The following TMEM214 variants were observed in gnomAD, a reference collection of about 807,000 sequenced individuals.
TMEM214 encodes the protein transmembrane protein 214.
In TMEM214, 71 loss-of-function variants were observed where a neutral mutation model predicts 89.8. The ratio of observed to expected loss-of-function variants is 0.79; its 90% CI spans 0.65 to 0.96. The LOEUF is 0.96. Ranked by LOEUF, TMEM214 falls within the 40% of genes least tolerant of loss-of-function variation. The pLI is 0.00. For missense variants in TMEM214, 754 were observed against 843.4 expected (o/e 0.89, Z 1.31); for synonymous variants, 332 against 349.5 (o/e 0.95, Z 0.56).
rs905150971 is a variant in TMEM214, at chr2:27,035,594, A to G, written c.503A>G (p.Asp168Gly). ...TCACATTGAGGCCTATGGGCCTTAG[A>G]TTATCCCTACAGCCTGGTGAGCCGG... The part of the protein sequence containing the change: ...SEPTLSQHTH[D>G]YPYSLVSREL... Residue 168 changes from aspartate to glycine, a missense_variant and splice_region_variant, in exon 4 of 17, where the codon GAT becomes GGT. Coordinates refer to ENST00000238788, the MANE Select transcript of TMEM214 (RefSeq NM_017727.5). 6.2e-7 allele frequency: 1 copy of G among 1,614,112 alleles called. No individual in the cohort carries two copies. Among genetic ancestry groups the G allele is most frequent in the Non-Finnish European group, 8.5e-7 (1 of 1,180,018 alleles).
chr2:27,035,231 A>G lies in TMEM214; in HGVS notation c.448A>G (p.Asn150Asp). 4 of 1,613,760 alleles carry G rather than the reference A, an allele frequency of 2.5e-6. 1 individual carries two copies. The highest frequency in any genetic ancestry group is 2.5e-6 in the Non-Finnish European group (3 of 1,179,656). ...IWLKDLASYL[N>D]YKLQAPLSEP... is the part of the protein sequence containing the mutation. ...GTTGAAGGACCTGGCCAGCTATCTC[A>G]ACTACAAGCTACAAGCTCCTCTAAG... is the stretch of plus-strand genomic sequence containing the variant. The change falls in exon 3 of 17, where the codon AAC becomes GAC. Residue 150 changes from asparagine to aspartate, a missense_variant. By Grantham distance (23) the Asn-to-Asp change is conservative (BLOSUM62 1). Transcript: ENST00000238788.
chr2:27,037,936 T>C, intron 9 of TMEM214: 1 of 1,549,644 alleles, frequency 6.5e-7, no homozygotes, highest in Non-Finnish European at 8.7e-7. Flanking sequence ...ATAGTGATCT[T>C]TGAGCTCAAA....
chr2:27,033,868 T>C (rs1667437709), intron 1 of TMEM214, among the ~76,000 whole-genome samples, 199 bp from the exon 2 acceptor site: 2 of 152,002 alleles, frequency 1.3e-5, no homozygotes, highest in South Asian at 4.1e-4. Context: ...AAAGAGCCCA[T>C]AGACTCAAGA....
At chr2:27,036,946 G>A in intron 7 of TMEM214, 131 bp from the exon 8 acceptor site, 1 of 1,092,574 alleles carries the variant, frequency 9.2e-7, no homozygotes, top group Non-Finnish European at 1.4e-6. Context: ...GAAGAAGAGG[G>A]AGCTATTAAG....
Position 27,038,386 on chromosome 2 carries a change from A to C in TMEM214, c.1245-98A>C. 3 of 1,555,704 alleles carry C rather than the reference A, an allele frequency of 1.9e-6. No homozygotes were observed. In the South Asian group the frequency reaches 3.3e-5, roughly 17 times the overall value. ...CTGCTGCTCTGTGGGTGGTAGGTGGAGGGTCTTTCAGCCTGAAGGAGCCAG... is the reference window on the plus strand; with the variant it reads ...CTGCTGCTCTGTGGGTGGTAGGTGGCGGGTCTTTCAGCCTGAAGGAGCCAG... On this transcript the variant is annotated intron_variant, in intron 10 of 16. Coordinates refer to ENST00000238788, the MANE Select transcript of TMEM214 (RefSeq NM_017727.5). This position sits in a 1 kb window ranked among gnomAD's most constrained non-coding sequence, Gnocchi z 4.4.
intron 3 of TMEM214, 61 bp from the exon 4 acceptor site, chr2:27,035,533 C>T: frequency 6.3e-7 from 1 of 1,599,936 alleles, no homozygotes; most frequent in South Asian, 1.1e-5. Context: ...GAGAGCACCA[C>T]AGTTCTCAGA....
Position 27,037,158 on chromosome 2 carries a change from G to C in TMEM214, c.990G>C (p.Pro330=). 6.2e-7 allele frequency: 1 copy of C among 1,613,812 alleles called. No individual in the cohort carries two copies. The highest frequency in any genetic ancestry group is 8.5e-7 in the Non-Finnish European group (1 of 1,179,906). Residue 330 remains proline, a synonymous_variant, in exon 8 of 17, where the codon CCG becomes CCC. Coordinates refer to ENST00000238788, the MANE Select transcript of TMEM214 (RefSeq NM_017727.5). ...FFPLLDFAYM[P]NNSLTPSLQE... ...CACTTCTGGACTTTGCCTATATGCC[G>C]AACAACTCCCTGACACCCAGGTAGG... is the stretch of plus-strand genomic sequence containing the variant.
chr2:27,039,470 G>A, intron 13 of TMEM214: 4 of 593,996 alleles, frequency 6.7e-6, no homozygotes, highest in East Asian at 2.8e-5. Flanking sequence ...GTCATAGCTA[G>A]TAAGTAGAAG....
chr2:27,037,231 A>G, intron 8 of TMEM214, 53 bp downstream of exon 8: 1 of 1,374,090 alleles, frequency 7.3e-7, no homozygotes, highest in Non-Finnish European at 1.0e-6. Flanking sequence ...CACCAGAACC[A>G]CACTACATAT....
At position 27,035,667 on chromosome 2, in the gene TMEM214, T is replaced by C. The variant is rs770639383; in HGVS notation, c.576T>C (p.Ser192=). Residue 192 remains serine (S), a synonymous_variant, in exon 4 of 17, where the codon TCT becomes TCC. Transcript: ENST00000238788. The stretch of plus-strand genomic sequence containing the variant: ...GGCTGCTGGCGAAGGCAGCAGGGTC[T>C]CTGGAGCTCTTTTTTGACCACTGTC... ...IRGLLAKAAG[S]LELFFDHCLF... 1.9e-6 allele frequency: 3 copies of C among 1,614,086 alleles called. No homozygotes were observed. Among genetic ancestry groups the C allele is most frequent in the East Asian group, 2.2e-5 (1 of 44,888 alleles).
At position 27,034,283 on chromosome 2, in the gene TMEM214, AT is replaced by A. The variant is rs1558394795; in HGVS notation, c.351+18del. 33 of 1,611,790 alleles carry A rather than the reference AT, an allele frequency of 2.0e-5. No individual in the cohort carries two copies. Among genetic ancestry groups the A allele is most frequent in the Non-Finnish European group, 2.8e-5 (33 of 1,179,454 alleles). On this transcript the variant is annotated intron_variant, in intron 2 of 16. Transcript: ENST00000238788. The stretch of plus-strand genomic sequence containing the variant: ...CTGAAAGCTGTGAGTGTGCCTAGAC[AT>A]GAGACGCAGAAAGAATGGGGGCTTG...
rs1269720303 is a variant in TMEM214 at position 27,037,707 on chromosome 2, G to A, written c.1152+5G>A. The A allele has an allele frequency of 1.9e-6, 3 of 1,614,016 alleles. No individual in the cohort carries two copies. The highest frequency in any genetic ancestry group is 3.3e-5 in the Admixed American group (2 of 59,994). ...CCCCCTGAGATGAAGAAAGAGGTGA[G>A]GATATGGTGGGAGGCTTTTTCTCCT... On this transcript the variant is annotated splice_donor_5th_base_variant and intron_variant, in intron 9 of 16. Transcript: ENST00000238788.
intron 5 of TMEM214, 37 bp downstream of exon 5, chr2:27,036,089 A>G (rs751141310): frequency 1.6e-5 from 25 of 1,594,372 alleles, no homozygotes; most frequent in Non-Finnish European, 1.9e-5. Context: ...CTAGGAAGCT[A>G]GGACTGGGGA....
intron 8 of TMEM214, 56 bp downstream of exon 8, chr2:27,037,234 C>A: frequency 7.4e-7 from 1 of 1,346,446 alleles, no homozygotes; most frequent in South Asian, 1.2e-5. Context: ...CAGAACCACA[C>A]TACATATTCC....
chr2:27,040,896 T>G lies in TMEM214; in HGVS notation c.*59T>G, dbSNP rs373108350. 6.3e-7 allele frequency: 1 copy of G among 1,586,832 alleles called. No individual in the cohort carries two copies. Among genetic ancestry groups the G allele is most frequent in the African/African-American group, 1.3e-5 (1 of 74,318 alleles). On this transcript the variant is annotated 3_prime_UTR_variant, in exon 17 of 17. Coordinates refer to ENST00000238788, the MANE Select transcript of TMEM214 (RefSeq NM_017727.5). ...GTAGACCATCCAAGACTGCAGCGGG[T>G]AGAAGGTGGCAGTTCTTCATGGGAG...
At chr2:27,039,467 C>G in intron 13 of TMEM214, 2 of 593,606 alleles carry the variant, frequency 3.4e-6, no homozygotes, top group Non-Finnish European at 6.0e-6. Flanking sequence ...TAGGTCATAG[C>G]TAGTAAGTAG....
Position 27,038,904 on chromosome 2 carries a change from C to G in TMEM214, c.1407+89C>G. 7.0e-7 allele frequency: 1 copy of G among 1,426,446 alleles called. No homozygotes were observed. The highest frequency in any genetic ancestry group is 9.8e-7 in the Non-Finnish European group (1 of 1,016,666). 88.4% of individuals were successfully genotyped at this position (1,426,446 alleles called of 1,614,324 possible). On this transcript the variant is annotated intron_variant, in intron 12 of 16. Transcript: ENST00000238788. The surrounding 1 kb of genome is among the most constrained non-coding windows in gnomAD (Gnocchi z 4.4). ...GTTGGGCCTGTATCACATTCCTGCC[C>G]CACCTGTCTGGAGCCCCCCGCTGCC...
rs763674701 is a variant in TMEM214, at chr2:27,034,236, C to T, written c.321C>T (p.Arg107=). The T allele has an allele frequency of 2.9e-5, 47 of 1,614,064 alleles. No individual in the cohort carries two copies. In the South Asian group the frequency reaches 4.8e-4, roughly 17 times the overall value. Residue 107 remains arginine (R), a synonymous_variant, in exon 2 of 17, where the codon CGC becomes CGT. Coordinates refer to ENST00000238788, the MANE Select transcript of TMEM214 (RefSeq NM_017727.5). Reference sequence around the variant, plus strand: ...CCAACCAAAACCAGAAGCAGGGCCGCTTCCGCAGCCTGGAGGAAGCACTGA... The same window carrying T: ...CCAACCAAAACCAGAAGCAGGGCCGTTTCCGCAGCCTGGAGGAAGCACTGA... ...TPPNQNQKQG[R]FRSLEEALKA...
intron 2 of TMEM214, chr2:27,034,729 G>A (rs1418331751): frequency 1.9e-5 from 4 of 210,160 alleles, no homozygotes; most frequent in African/African-American, 4.7e-5. Context: ...GATTACAGGC[G>A]TCTGCCACCA....
Sources: gnomAD v4.1 joint callset for allele counts (sites outside exome capture counted in the v4.1 genomes callset) on GRCh38, gnomAD v4.1.1 for gene constraint, Gnocchi (gnomAD v3.1) non-coding constraint, MANE v1.5 for transcripts, NCBI Gene and HGNC (gene_info 2026-07-23, HGNC 2026-07-21) for gene names.